The following CA10 variants were observed in gnomAD, a reference collection of about 807,000 sequenced individuals.
CA10 encodes the protein carbonic anhydrase 10 (inactive), also known as carbonic anhydrase-related protein 10.
Under a neutral mutation model 44.2 loss-of-function variants are expected in CA10, and 14 were observed. The observed-to-expected ratio is 0.32, with a 90% CI of 0.21 to 0.50. The LOEUF (loss-of-function observed/expected upper bound fraction) is 0.50, where lower values mean the gene tolerates loss of function less well. CA10 is among the 20% of genes least tolerant of loss of function. The pLI is 0.99. For synonymous variants in CA10, 159 were observed against 141.6 expected (o/e 1.12, Z -0.87); for missense variants, 350 against 409.7 (o/e 0.85, Z 1.26).
In CA10 at chr17:51,789,287, ATTACAGGC is replaced by A. The variant is rs1906418647; in HGVS notation, c.280-41477_280-41470del. Among the ~76,000 whole-genome samples the A allele has an allele frequency of 1.1e-4, 16 of 152,318 alleles. No individual in the cohort carries two copies. In the South Asian group the frequency reaches 3.3e-3, roughly 32 times the overall value. ...CACGCTGGCCTCCCACAGTGCTGGG[ATTACAGGC>A]GTGAGCCACCGTGCCCGGCCCAATT... On this transcript the variant is annotated intron_variant, in intron 3 of 8. Transcript: ENST00000451037.
intron 3 of CA10, among the ~76,000 whole-genome samples, chr17:51,759,790 T>C (rs995442639): frequency 1.3e-5 from 2 of 152,014 alleles, no homozygotes; most frequent in Non-Finnish European, 2.9e-5. Context: ...GGTACAGTAA[T>C]ATAGAGTGAC....
rs1190160572 is a variant in CA10, at chr17:51,636,025, A to C, written c.635-16T>G. 2.6e-6 allele frequency: 4 copies of C among 1,535,042 alleles called. No homozygotes were observed. Among genetic ancestry groups the C allele is most frequent in the South Asian group, 1.3e-5 (1 of 79,902 alleles). ...TATGCATCATCTAGAGAAGGAAAGA[A>C]GACTTAAAAATTAGGTTTCTTGAGA... On this transcript the variant is annotated splice_polypyrimidine_tract_variant and intron_variant, in intron 6 of 8. Coordinates refer to ENST00000451037, the MANE Select transcript of CA10 (RefSeq NM_020178.5).
intron 3 of CA10, among the ~76,000 whole-genome samples, chr17:51,897,430 G>T (rs1981119730): frequency 6.6e-6 from 1 of 151,968 alleles, no homozygotes; most frequent in Non-Finnish European, 1.5e-5. Context: ...CTGTGTGCCT[G>T]TTTTTGTACT....
intron 3 of CA10, among the ~76,000 whole-genome samples, chr17:51,879,661 G>C (rs1312258675): frequency 1.3e-5 from 2 of 152,216 alleles, no homozygotes; most frequent in African/African-American, 4.8e-5. Flanking sequence ...CCAGAGAACA[G>C]AGTGTCCCAA....
chr17:51,712,216 T>C (rs1279662453), intron 4 of CA10, among the ~76,000 whole-genome samples: 1 of 152,180 alleles, frequency 6.6e-6, no homozygotes, highest in Non-Finnish European at 1.5e-5. Flanking sequence ...CCATGCCCTT[T>C]CTACGCATTT....
chr17:52,094,848 T>C (rs891510363), intron 1 of CA10, among the ~76,000 whole-genome samples: 15 of 152,214 alleles, frequency 9.9e-5, no homozygotes, highest in African/African-American at 3.6e-4. Flanking sequence ...GGAATTCTCA[T>C]ATACTGCTGG....
At position 51,802,155 on chromosome 17, in the gene CA10, G is replaced by A. The variant is rs1328546277; in HGVS notation, c.280-54337C>T. Among the ~76,000 whole-genome samples the A allele has an allele frequency of 2.0e-5, 3 of 152,274 alleles. No individual in the cohort carries two copies. In the East Asian group the frequency reaches 5.8e-4, roughly 29 times the overall value. On this transcript the variant is annotated intron_variant, in intron 3 of 8. Coordinates refer to ENST00000451037, the MANE Select transcript of CA10 (RefSeq NM_020178.5). ...CTATTACTGATCATGCCTATCTATG[G>A]ATTTAGCTAGGGCTTGGGGTAGAGT...
At chr17:51,923,197 T>A (rs553884364) in intron 3 of CA10, among the ~76,000 whole-genome samples, 6 of 152,318 alleles carry the variant, frequency 3.9e-5, no homozygotes, top group African/African-American at 1.4e-4. Context: ...ACATCAGTTA[T>A]CCAATAAAAA....
chr17:51,790,305 T>C (rs957870526), intron 3 of CA10, among the ~76,000 whole-genome samples: 3 of 152,208 alleles, frequency 2.0e-5, no homozygotes, highest in South Asian at 2.1e-4. Context: ...GCAGATCTAA[T>C]GTGCCTGCTG....
chr17:51,711,364 G>A (rs976296648), intron 4 of CA10, among the ~76,000 whole-genome samples: 11 of 152,150 alleles, frequency 7.2e-5, no homozygotes, highest in African/African-American at 2.7e-4. Context: ...AGAGATCACT[G>A]TTTCCTTACC....
chr17:51,941,910 A>T lies in CA10; in HGVS notation c.137-10778T>A, dbSNP rs566527917. On this transcript the variant is annotated intron_variant, in intron 2 of 8. Coordinates refer to ENST00000451037, the MANE Select transcript of CA10 (RefSeq NM_020178.5). Reference sequence around the variant, plus strand: ...GTATGTATATGTTTAGTATGTAAACATCTCACTGTCCCTCTATCCCTTTAA... The same window carrying T: ...GTATGTATATGTTTAGTATGTAAACTTCTCACTGTCCCTCTATCCCTTTAA... 2.6e-5 allele frequency among the ~76,000 whole-genome samples: 4 copies of T among 152,242 alleles called. No individual in the cohort carries two copies. The South Asian group carries it at 6.2e-4, about 24-fold the overall frequency.
intron 4 of CA10, among the ~76,000 whole-genome samples, chr17:51,717,823 G>GCATGTATATATGTATA (rs1916201314): frequency 1.0e-4 from 1 of 9,970 alleles, no homozygotes; most frequent in African/African-American, 3.7e-4. Flanking sequence ...GTATATATAT[G>GCATGTATATATGTATA]TGTGTGTATA....
intron 3 of CA10, 95 bp from the exon 4 acceptor site, chr17:51,747,913 T>C: frequency 1.1e-6 from 1 of 917,994 alleles, no homozygotes; most frequent in Non-Finnish European, 1.7e-6. Flanking sequence ...TTTTGCTTCC[T>C]CTTGATGGGA....
intron 6 of CA10, among the ~76,000 whole-genome samples, chr17:51,645,884 C>A (rs1567787270): frequency 6.6e-6 from 1 of 152,324 alleles, no homozygotes; most frequent in East Asian, 1.9e-4. Context: ...ATATGGCTTG[C>A]TTTGGCTTGT....
intron 4 of CA10, among the ~76,000 whole-genome samples, chr17:51,719,922 T>G (rs1198577213): frequency 6.6e-6 from 1 of 152,018 alleles, no homozygotes; most frequent in Non-Finnish European, 1.5e-5. Flanking sequence ...TTGCAGCCTT[T>G]TAAGGAGGCA....
chr17:51,636,775 T>TGTG (rs1555577669), intron 6 of CA10, among the ~76,000 whole-genome samples: 11,024 of 146,582 alleles, frequency 0.075, 432 homozygotes, highest in South Asian at 0.1. Context: ...ACTGATTATT[T>TGTG]TGTGTGTGTG....
At chr17:51,934,237 G>A (rs913084827) in intron 2 of CA10, among the ~76,000 whole-genome samples, 2 of 152,028 alleles carry the variant, frequency 1.3e-5, no homozygotes, top group Admixed American at 1.3e-4. Context: ...TTCATTACAT[G>A]GATTTAAGGC....
intron 4 of CA10, among the ~76,000 whole-genome samples, chr17:51,687,766 C>G (rs1020267842): frequency 1.3e-5 from 2 of 152,130 alleles, no homozygotes; most frequent in African/African-American, 2.4e-5. Flanking sequence ...TAATATATGA[C>G]AAGTTATTTG....
At chr17:52,068,426 T>G (rs1241715511) in intron 2 of CA10, among the ~76,000 whole-genome samples, 4 of 152,234 alleles carry the variant, frequency 2.6e-5, no homozygotes, top group African/African-American at 9.6e-5. Flanking sequence ...TCTCAGGCAG[T>G]TCTTTAAAGC....
Sources: gnomAD v4.1 joint callset for allele counts (sites outside exome capture counted in the v4.1 genomes callset) on GRCh38, gnomAD v4.1.1 for gene constraint, MANE v1.5 for transcripts, NCBI Gene and HGNC (gene_info 2026-07-23, HGNC 2026-07-21) for gene names.